The following TFE3 variants were observed in gnomAD, a reference collection of about 807,000 sequenced individuals.
The protein encoded by TFE3 is transcription factor E3.
Under a neutral mutation model 35.0 loss-of-function variants are expected in TFE3, and 5 were observed. That is an observed-to-expected ratio of 0.14 (90% CI 0.07 to 0.30). TFE3 has a LOEUF of 0.30. Among genes scored for constraint, TFE3 ranks in the 10% least tolerant of loss-of-function variants. TFE3 has a pLI of 1.00. For synonymous variants in TFE3, 211 were observed against 215.6 expected (o/e 0.98, Z 0.18); for missense variants, 374 against 496.6 (o/e 0.75, Z 2.35).
At chrX:49,040,965 G>A (rs1171317288) in intron 1 of TFE3, among the ~76,000 whole-genome samples, 1 of 97,436 alleles carries the variant, frequency 1.0e-5, no homozygotes, top group Admixed American at 1.2e-4. Flanking sequence ...ACAGAGTATC[G>A]CTCTGTCACC....
intron 1 of TFE3, among the ~76,000 whole-genome samples, chrX:49,042,539 T>G (rs1051740315): frequency 2.7e-5 from 3 of 111,024 alleles, no homozygotes; most frequent in African/African-American, 9.9e-5. Flanking sequence ...TCACACGCAC[T>G]CACAAGGCTG....
At chrX:49,036,237 G>A (rs1181531616) in intron 5 of TFE3, among the ~76,000 whole-genome samples, 1 of 109,299 alleles carries the variant, frequency 9.1e-6, no homozygotes, top group Non-Finnish European at 1.9e-5. Context: ...GGAGGCCGAG[G>A]CAGGTGGATC....
Position 49,038,269 on chromosome X carries a change from A to G in TFE3, c.708T>C (p.Thr236=). 4.1e-6 allele frequency: 5 copies of G among 1,207,945 alleles called. No individual in the cohort carries two copies. The highest frequency in any genetic ancestry group is 5.6e-6 in the Non-Finnish European group (5 of 894,246). ...TGGGCGCACTGCCTGTGGGGCCGGT[A>G]GTGTGGGCAGCCTCAGGGGCAGGCA... The part of the protein sequence containing the change: ...QPLPAPEAAH[T]TGPTGSAPNS... Residue 236 remains threonine (T), a synonymous_variant, in exon 4 of 10, where the codon ACT becomes ACC. Coordinates refer to ENST00000315869, the MANE Select transcript of TFE3 (RefSeq NM_006521.6).
intron 1 of TFE3, among the ~76,000 whole-genome samples, 175 bp from the exon 2 acceptor site, chrX:49,040,743 C>G: frequency 9.3e-6 from 1 of 107,989 alleles, no homozygotes. Context: ...ACCTCCTTCC[C>G]CCATCCCCCT....
At chrX:49,032,313 C>T (rs1416702251) in intron 8 of TFE3, among the ~76,000 whole-genome samples, 1 of 111,135 alleles carries the variant, frequency 9.0e-6, no homozygotes, top group Non-Finnish European at 1.9e-5. Context: ...TGGCTCACTA[C>T]AACCTCCACT....
chrX:49,043,121 G>T lies in TFE3; in HGVS notation c.106C>A (p.Gln36Lys), dbSNP rs372595070. 7 of 1,182,908 alleles carry T rather than the reference G, an allele frequency of 5.9e-6. No homozygotes were observed. In the African/African-American group the frequency reaches 8.8e-5, roughly 15 times the overall value. Reference protein sequence around the residue: ...LEERRPADSAQLLSLNSLLPE... With the variant: ...LEERRPADSAKLLSLNSLLPE... ...CAGGCGGCCCCGCACCTGAGCAGCT[G>T]AGCCGAGTCGGCCGGCCTGCGCTCC... The change falls in exon 1 of 10, where the codon CAG (glutamine) becomes AAG (lysine). Residue 36 changes from glutamine to lysine, a missense_variant. Gln to Lys is a moderately conservative substitution (Grantham distance 53, BLOSUM62 1). Transcript: ENST00000315869.
chrX:49,041,294 C>T (rs2064759552), intron 1 of TFE3, among the ~76,000 whole-genome samples: 1 of 111,438 alleles, frequency 9.0e-6, no homozygotes, highest in Non-Finnish European at 1.9e-5. Flanking sequence ...CACACACACA[C>T]ACACAGAGCA....
intron 1 of TFE3, among the ~76,000 whole-genome samples, chrX:49,042,060 G>A (rs2064763294): frequency 1.8e-5 from 2 of 111,015 alleles, no homozygotes; most frequent in Admixed American, 9.6e-5. Context: ...CACAGAAGTT[G>A]GAAGAGATGG....
intron 1 of TFE3, 85 bp from the exon 2 acceptor site, chrX:49,040,653 G>A (rs1258526654): frequency 3.1e-6 from 2 of 646,406 alleles, no homozygotes; most frequent in Non-Finnish European, 4.9e-6. Context: ...AAGAGAGAGA[G>A]AGGGGGGGAG....
chrX:49,043,123 G>T lies in TFE3; in HGVS notation c.104C>A (p.Ala35Asp). Residue 35 changes from alanine to aspartate, a missense_variant, in exon 1 of 10, where the codon GCT (alanine) becomes GAT (aspartate). Coordinates refer to ENST00000315869, the MANE Select transcript of TFE3 (RefSeq NM_006521.6). ...GGCGGCCCCGCACCTGAGCAGCTGA[G>T]CCGAGTCGGCCGGCCTGCGCTCCTC... ...LLEERRPADS[A>D]QLLSLNSLLP... The T allele has an allele frequency of 8.4e-7, 1 of 1,185,186 alleles. No individual in the cohort carries two copies. Among genetic ancestry groups the T allele is most frequent in the Non-Finnish European group, 1.1e-6 (1 of 884,981 alleles).
Position 49,029,894 on chromosome X carries a change from G to T in TFE3, c.*264C>A, listed in dbSNP as rs367827397. 31 of 506,460 alleles carry T rather than the reference G, an allele frequency of 6.1e-5. No individual in the cohort carries two copies. Among genetic ancestry groups the T allele is most frequent in the Non-Finnish European group, 1.1e-4 (30 of 276,594 alleles). The allele number at this position is 506,460 out of a possible 1,213,427, so 41.7% of individuals were successfully genotyped here. A position where few individuals can be genotyped will look rare whatever the true frequency, so the allele number is the denominator to read the frequency against. On this transcript the variant is annotated 3_prime_UTR_variant, in exon 10 of 10. Transcript: ENST00000315869. The stretch of plus-strand genomic sequence containing the variant: ...GCAGGGGTGAGGCTGTGATCCCCAG[G>T]GGGCAGGCCCTGATCTCATGTCCTT...
intron 7 of TFE3, 70 bp downstream of exon 7, chrX:49,033,656 T>TG: frequency 5.9e-6 from 7 of 1,190,407 alleles, no homozygotes; most frequent in Non-Finnish European, 8.0e-6. Flanking sequence ...GAGTTCCCCA[T>TG]GGGGGGCCAG....
rs2064683057 is a variant in TFE3, at chrX:49,029,008, G to C, written c.*1150C>G. On this transcript the variant is annotated 3_prime_UTR_variant, in exon 10 of 10. Coordinates refer to ENST00000315869, the MANE Select transcript of TFE3 (RefSeq NM_006521.6). Reference sequence around the variant, plus strand: ...AAAAAATCAGATAAACAAATGAGGGGGTACAATATGCTTTTACAACCCTCC... The same window carrying C: ...AAAAAATCAGATAAACAAATGAGGGCGTACAATATGCTTTTACAACCCTCC... The C allele has an allele frequency of 5.8e-6, 1 of 171,628 alleles. No homozygotes were observed. Among genetic ancestry groups the C allele is most frequent in the African/African-American group, 3.0e-5 (1 of 33,542 alleles). 14.1% of individuals were successfully genotyped at this position (171,628 alleles called of 1,213,427 possible).
Position 49,030,370 on chromosome X carries a change from G to T in TFE3, c.1516C>A (p.Pro506Thr). 3.3e-6 allele frequency: 4 copies of T among 1,210,682 alleles called. No individual in the cohort carries two copies. The highest frequency in any genetic ancestry group is 4.5e-6 in the Non-Finnish European group (4 of 895,121). Residue 506 changes from proline to threonine, a missense_variant, in exon 10 of 10, where the codon CCC (proline) becomes ACC (threonine). This residue lies in a region of TFE3 where 117 missense variants were observed against 111.9 expected (regional missense o/e 1.05). Transcript: ENST00000315869. ...CCCAGGTCCCCCAGGTGGTCGCTGG[G>T]AAAGTGCAGGTCCAGAAGGGCATCT... is the stretch of plus-strand genomic sequence containing the variant. ...PSDALLDLHF[P>T]SDHLGDLGDP...
At chrX:49,034,814 G>A (rs2064718757) in intron 5 of TFE3, among the ~76,000 whole-genome samples, 2 of 112,329 alleles carry the variant, frequency 1.8e-5, no homozygotes, top group South Asian at 7.3e-4. Flanking sequence ...CTTCCACTCT[G>A]ATCAAGTTGT....
At chrX:49,041,182 C>T (rs1255372442) in intron 1 of TFE3, among the ~76,000 whole-genome samples, 1 of 111,063 alleles carries the variant, frequency 9.0e-6, no homozygotes, top group Non-Finnish European at 1.9e-5. Flanking sequence ...CCGCTTGCCT[C>T]GGCCTCCCAA....
intron 1 of TFE3, 145 bp downstream of exon 1, chrX:49,042,966 C>T: frequency 4.6e-6 from 2 of 439,323 alleles, no homozygotes; most frequent in African/African-American, 5.1e-5. Context: ...TGCCGGATTC[C>T]TTAGGTGCCC....
At chrX:49,038,499 G>C (rs782483336) in intron 3 of TFE3, 57 bp from the exon 4 acceptor site, 15 of 1,162,807 alleles carry the variant, frequency 1.3e-5, no homozygotes, top group Non-Finnish European at 1.6e-5. Flanking sequence ...GGACTCAAAG[G>C]GGTGAATTCT....
In TFE3 at chrX:49,039,173, G is replaced by A. The variant is rs145106323; in HGVS notation, c.468C>T (p.Gly156=). 3.5e-4 allele frequency: 421 copies of A among 1,202,165 alleles called. No homozygotes were observed. The highest frequency in any genetic ancestry group is 4.4e-4 in the Non-Finnish European group (394 of 890,771). The stretch of plus-strand genomic sequence containing the variant: ...TCAATGTGTGGCCCCCAGCAGAGAC[G>A]CCAACCACAGAGATGGCAGGAGAGG... ...APASPAISVV[G]VSAGGHTLSR... Residue 156 remains glycine, a synonymous_variant, in exon 3 of 10, where the codon GGC becomes GGT. Transcript: ENST00000315869.
Sources: gnomAD v4.1 joint callset for allele counts (sites outside exome capture counted in the v4.1 genomes callset) on GRCh38, gnomAD v4.1.1 for gene constraint, gnomAD v4.1.1 regional missense constraint, MANE v1.5 for transcripts, NCBI Gene and HGNC (gene_info 2026-07-23, HGNC 2026-07-21) for gene names.